RNGTT: variants seen among roughly 807,000 people sequenced by gnomAD.
The protein encoded by RNGTT is RNA guanylyltransferase and 5'-phosphatase.
In RNGTT, 33 loss-of-function variants were observed where a neutral mutation model predicts 79.3. That is an observed-to-expected ratio of 0.42 (90% CI 0.32 to 0.56). The LOEUF (loss-of-function observed/expected upper bound fraction) is 0.56, where lower values mean the gene tolerates loss of function less well. RNGTT is among the 20% of genes least tolerant of loss of function. The pLI is 0.17. For synonymous variants in RNGTT, 222 were observed against 235.9 expected (o/e 0.94, Z 0.54); for missense variants, 497 against 739.1 (o/e 0.67, Z 3.80).
At chr6:88,677,168 A>G (rs1774906026) in intron 14 of RNGTT, among the ~76,000 whole-genome samples, 1 of 152,184 alleles carries the variant, frequency 6.6e-6, no homozygotes, top group Non-Finnish European at 1.5e-5. Context: ...TGAGTGAACG[A>G]AGGCAAAAAA....
intron 8 of RNGTT, among the ~76,000 whole-genome samples, chr6:88,872,993 ACAGGTTATTC>A (rs1782404934): frequency 6.6e-6 from 1 of 152,128 alleles, no homozygotes; most frequent in East Asian, 1.9e-4. Flanking sequence ...CACACAACAC[ACAGGTTATTC>A]CTCAAGCAAA....
chr6:88,712,611 A>C (rs748506979), intron 13 of RNGTT, among the ~76,000 whole-genome samples: 1 of 152,164 alleles, frequency 6.6e-6, no homozygotes. Flanking sequence ...TGTGCCTGAT[A>C]ATACTTTAGT....
chr6:88,655,578 T>C (rs1049046249), intron 14 of RNGTT, among the ~76,000 whole-genome samples: 1 of 152,172 alleles, frequency 6.6e-6, no homozygotes, highest in Non-Finnish European at 1.5e-5. Flanking sequence ...GGGAATAATG[T>C]TGCTGTACTG....
At chr6:88,856,520 C>T (rs1781850435) in intron 8 of RNGTT, among the ~76,000 whole-genome samples, 1 of 151,938 alleles carries the variant, frequency 6.6e-6, no homozygotes, top group South Asian at 2.1e-4. Context: ...TGTGTATAAA[C>T]AGATTTAAAA....
In RNGTT at chr6:88,904,726, G is replaced by A. The variant is rs778923275; in HGVS notation, c.673C>T (p.Arg225Trp). 9 of 1,612,248 alleles carry A rather than the reference G, an allele frequency of 5.6e-6. No homozygotes were observed. The highest frequency in any genetic ancestry group is 5.0e-5 in the Admixed American group (3 of 59,754). ...SASFGKRRKERLKLGAIFLEG... is the reference protein window; with the variant it reads ...SASFGKRRKEWLKLGAIFLEG... Reference sequence around the variant, plus strand: ...TTTTTAAACATTACCAGTTTTAACCGTTCTTTTCTCCTTTTGCCAAAAGAA... The same window carrying A: ...TTTTTAAACATTACCAGTTTTAACCATTCTTTTCTCCTTTTGCCAAAAGAA... The change falls in exon 6 of 16, where the codon CGG (arginine) becomes TGG (tryptophan). Residue 225 changes from arginine to tryptophan, a missense_variant. By Grantham distance (101) the Arg-to-Trp change is moderately radical. This residue lies in a region of RNGTT where 440 missense variants were observed against 671.5 expected (regional missense o/e 0.66). Transcript: ENST00000369485.
At chr6:88,683,155 G>T (rs1775154688) in intron 13 of RNGTT, among the ~76,000 whole-genome samples, 1 of 151,938 alleles carries the variant, frequency 6.6e-6, no homozygotes, top group Admixed American at 6.6e-5. Flanking sequence ...TCATGAAACG[G>T]AAAACACACT....
chr6:88,879,506 G>A (rs565482121), intron 8 of RNGTT, among the ~76,000 whole-genome samples: 3 of 152,218 alleles, frequency 2.0e-5, no homozygotes, highest in East Asian at 1.9e-4. Flanking sequence ...CACAAGTCAC[G>A]AAGTGTATTT....
intron 1 of RNGTT, among the ~76,000 whole-genome samples, chr6:88,952,267 C>A (rs1317172156): frequency 3.9e-5 from 6 of 152,120 alleles, no homozygotes; most frequent in East Asian, 3.9e-4. Flanking sequence ...TACAGCAAGC[C>A]CCACCCAAGG....
chr6:88,635,591 CATTTGTAT>C (rs1358133216), intron 14 of RNGTT, among the ~76,000 whole-genome samples: 17 of 151,998 alleles, frequency 1.1e-4, no homozygotes, highest in Non-Finnish European at 1.6e-4. Flanking sequence ...TTAATTTCAT[CATTTGTAT>C]GTATGTGATT....
At chr6:88,820,466 A>T (rs1330893253) in intron 11 of RNGTT, among the ~76,000 whole-genome samples, 1 of 152,224 alleles carries the variant, frequency 6.6e-6, no homozygotes, top group African/African-American at 2.4e-5. Context: ...AGGTATAAAT[A>T]TTGGGAAGGT....
chr6:88,744,061 C>T lies in RNGTT; in HGVS notation c.1439+25713G>A, dbSNP rs540224984. Reference sequence around the variant, plus strand: ...AAATAAAAATACCATATTTAAGCTACATTTTATGTTGAATTTATATTTGCA... The same window carrying T: ...AAATAAAAATACCATATTTAAGCTATATTTTATGTTGAATTTATATTTGCA... On this transcript the variant is annotated intron_variant, in intron 13 of 15. Coordinates refer to ENST00000369485, the MANE Select transcript of RNGTT (RefSeq NM_003800.5). Among the ~76,000 whole-genome samples the T allele has an allele frequency of 1.8e-4, 28 of 152,188 alleles. No individual in the cohort carries two copies. The South Asian group carries it at 5.4e-3, about 29-fold the overall frequency.
intron 9 of RNGTT, among the ~76,000 whole-genome samples, chr6:88,853,279 G>A (rs1192128879): frequency 1.3e-5 from 2 of 152,118 alleles, no homozygotes; most frequent in Non-Finnish European, 2.9e-5. Context: ...AGGCTGAGGC[G>A]GGTGGATCAC....
intron 11 of RNGTT, among the ~76,000 whole-genome samples, chr6:88,825,229 T>A (rs182443928): frequency 1.3e-5 from 2 of 152,334 alleles, no homozygotes; most frequent in Non-Finnish European, 2.9e-5. Context: ...CAATATCCCA[T>A]CACATTTGCC....
chr6:88,687,527 C>T (rs374402479), intron 13 of RNGTT, among the ~76,000 whole-genome samples: 10 of 152,280 alleles, frequency 6.6e-5, no homozygotes, highest in East Asian at 3.9e-4. Context: ...ACAACCCAAA[C>T]GCTCAGACAT....
At chr6:88,665,013 T>C (rs971494880) in intron 14 of RNGTT, among the ~76,000 whole-genome samples, 1 of 152,176 alleles carries the variant, frequency 6.6e-6, no homozygotes, top group Non-Finnish European at 1.5e-5. Flanking sequence ...CACCAGTTCC[T>C]GTACATCCCT....
chr6:88,933,138 A>G (rs536007316), intron 2 of RNGTT, among the ~76,000 whole-genome samples: 18 of 152,304 alleles, frequency 1.2e-4, no homozygotes, highest in African/African-American at 4.3e-4. Context: ...TTTAATTGAT[A>G]TGCTATATTT....
chr6:88,812,077 T>C (rs376294746), intron 11 of RNGTT, among the ~76,000 whole-genome samples: 3 of 152,224 alleles, frequency 2.0e-5, no homozygotes, highest in African/African-American at 7.2e-5. Context: ...GTCATCCTTC[T>C]TGCTCATCAC....
intron 11 of RNGTT, among the ~76,000 whole-genome samples, chr6:88,840,803 A>G (rs1056471028): frequency 3.3e-5 from 5 of 150,878 alleles, no homozygotes; most frequent in East Asian, 1.9e-4. Flanking sequence ...GAAAAACTAC[A>G]TAACAAGTTG....
chr6:88,927,749 G>T (rs1255629392), intron 4 of RNGTT, among the ~76,000 whole-genome samples: 1 of 149,952 alleles, frequency 6.7e-6, no homozygotes, highest in Non-Finnish European at 1.5e-5. Flanking sequence ...TGGGAGAATC[G>T]CTTGAACCTG....
Sources: allele counts gnomAD v4.1 joint callset (sites outside exome capture counted in the v4.1 genomes callset), GRCh38; gene constraint gnomAD v4.1.1; regional missense constraint gnomAD v4.1.1; transcripts MANE v1.5; gene names NCBI Gene and HGNC (gene_info 2026-07-23, HGNC 2026-07-21).